Variants in ADARB1 observed in about 807,000 individuals in gnomAD.
The protein encoded by ADARB1 is adenosine deaminase RNA specific B1.
Under a neutral mutation model 52.4 loss-of-function variants are expected in ADARB1, and 10 were observed. That is an observed-to-expected ratio of 0.19 (90% confidence interval 0.12 to 0.32). The LOEUF (loss-of-function observed/expected upper bound fraction) is 0.32, where lower values mean the gene tolerates loss of function less well. ADARB1 is among the 10% of genes least tolerant of loss of function. The pLI, the probability that ADARB1 is intolerant of heterozygous loss-of-function variation, is 1.00. For missense variants in ADARB1, 643 were observed against 922.3 expected, an observed-to-expected ratio of 0.70 and a Z score of 3.92; for synonymous variants, 349 against 371.1, an observed-to-expected ratio of 0.94 and a Z score of 0.68.
At chr21:45,118,808 T>C (rs1365682397) in intron 1 of ADARB1, among the ~76,000 whole-genome samples, 2 of 152,158 alleles carry the variant, frequency 1.3e-5, no homozygotes, top group African/African-American at 4.8e-5. Context: ...AATAAAAGCG[T>C]TCCCTATGGC....
intron 8 of ADARB1, among the ~76,000 whole-genome samples, chr21:45,186,567 A>T (rs576929766): frequency 1.3e-5 from 2 of 152,346 alleles, no homozygotes; most frequent in African/African-American, 4.8e-5. Flanking sequence ...CTGTAAACTG[A>T]TATCTTCATA....
rs2092981342 is a variant in ADARB1 at position 45,222,354 on chromosome 21, A to G, written c.*157A>G. On this transcript the variant is annotated 3_prime_UTR_variant, in exon 11 of 11. Transcript: ENST00000348831. Reference sequence around the variant, plus strand: ...TCCACGGTTGTCCCCAGCATCTCACATCAGACCTGGGGCAGGTGCGCAGTG... The same window carrying G: ...TCCACGGTTGTCCCCAGCATCTCACGTCAGACCTGGGGCAGGTGCGCAGTG... 7.2e-7 allele frequency: 1 copy of G among 1,380,524 alleles called. No individual in the cohort carries two copies. Among genetic ancestry groups the G allele is most frequent in the African/African-American group, 1.5e-5 (1 of 67,328 alleles). 85.5% of individuals were successfully genotyped at this position (1,380,524 alleles called of 1,614,324 possible). A position where few individuals can be genotyped will look rare whatever the true frequency, so the allele number is the denominator to read the frequency against.
rs759591681 is a variant in ADARB1 at position 45,100,150 on chromosome 21, A to G, written c.-220+25357A>G. Among the ~76,000 whole-genome samples the G allele has an allele frequency of 2.0e-5, 3 of 152,190 alleles. No homozygotes were observed. The East Asian group carries it at 5.8e-4, about 29-fold the overall frequency. ...ACTTTTAACTTGTAAAAATTATTCA[A>G]CATATACAGAAATTTAAAAAGCAGC... is the stretch of plus-strand genomic sequence containing the variant. On this transcript the variant is annotated intron_variant, in intron 1 of 10. Coordinates refer to ENST00000348831, the MANE Select transcript of ADARB1 (RefSeq NM_001112.4).
chr21:45,221,963 T>C lies in ADARB1; in HGVS notation c.1927-55T>C, dbSNP rs147589975. On this transcript the variant is annotated intron_variant, in intron 10 of 10. Coordinates refer to ENST00000348831, the MANE Select transcript of ADARB1 (RefSeq NM_001112.4). This position sits in a 1 kb window ranked among gnomAD's most constrained non-coding sequence, Gnocchi z 4.9. The stretch of plus-strand genomic sequence containing the variant: ...CATGTTTTGGTATCTTATTAGGTGT[T>C]GTTTTCATCTGTTACAGCGTCAACA... The C allele has an allele frequency of 4.8e-4, 756 of 1,568,456 alleles. 3 individuals are homozygous for C. The African/African-American group carries it at 8.0e-3, about 17-fold the overall frequency.
chr21:45,079,572 T>C (rs934467094), intron 1 of ADARB1, among the ~76,000 whole-genome samples: 6 of 152,176 alleles, frequency 3.9e-5, no homozygotes, highest in African/African-American at 1.4e-4. Context: ...GGTTGGGTCA[T>C]TGTGCAGCTA....
chr21:45,185,462 A>G (rs1380463122), intron 8 of ADARB1, among the ~76,000 whole-genome samples: 1 of 152,230 alleles, frequency 6.6e-6, no homozygotes, highest in East Asian at 1.9e-4. Flanking sequence ...GGTCACTTTC[A>G]TCATTCAGTT....
chr21:45,098,918 G>T (rs904707716), intron 1 of ADARB1, among the ~76,000 whole-genome samples: 1 of 152,178 alleles, frequency 6.6e-6, no homozygotes, highest in African/African-American at 2.4e-5. Context: ...CCTCAGAATT[G>T]GGGGTCAGGT....
intron 8 of ADARB1, among the ~76,000 whole-genome samples, chr21:45,194,741 G>C (rs1779231705): frequency 6.6e-6 from 1 of 152,116 alleles, no homozygotes; most frequent in African/African-American, 2.4e-5. Flanking sequence ...AAGATTCTTT[G>C]ATGCCTTTTC....
chr21:45,074,958 G>T (rs551347851), intron 1 of ADARB1, among the ~76,000 whole-genome samples, 165 bp downstream of exon 1: 3 of 150,700 alleles, frequency 2.0e-5, no homozygotes, highest in African/African-American at 7.3e-5. Flanking sequence ...CCGCGGCACC[G>T]CCTCGCACCC....
intron 2 of ADARB1, among the ~76,000 whole-genome samples, chr21:45,138,318 C>T (rs1034863905): frequency 1.3e-5 from 2 of 152,194 alleles, no homozygotes; most frequent in Non-Finnish European, 2.9e-5. Flanking sequence ...GGGTGAAGGT[C>T]ACAGCATGAC....
At chr21:45,122,642 C>T (rs930689837) in intron 1 of ADARB1, among the ~76,000 whole-genome samples, 7 of 152,164 alleles carry the variant, frequency 4.6e-5, no homozygotes, top group African/African-American at 1.7e-4. Flanking sequence ...AGGTGGGAGA[C>T]GTGCAGAGCT....
chr21:45,160,308 G>A (rs550960007), intron 2 of ADARB1, among the ~76,000 whole-genome samples: 17 of 152,370 alleles, frequency 1.1e-4, no homozygotes, highest in Admixed American at 1.3e-4. Context: ...GCCGGGAGCC[G>A]CTGCAGTGGG....
At chr21:45,175,343 TGTC>T (rs931334896) in intron 3 of ADARB1, among the ~76,000 whole-genome samples, 70 of 152,332 alleles carry the variant, frequency 4.6e-4, no homozygotes, top group Non-Finnish European at 8.4e-4. Context: ...GATATTAAAT[TGTC>T]ATTTCATTAG....
rs147740026 is a variant in ADARB1, at chr21:45,123,785, G to T, written c.-219-4617G>T. ...CTCGCTGAGTTTTTAATTTTTTGTA[G>T]AGATGGGGTTTCCATGTGTTGCCTA... On this transcript the variant is annotated intron_variant, in intron 1 of 10. Transcript: ENST00000348831. Among the ~76,000 whole-genome samples the T allele has an allele frequency of 4.2e-3, 632 of 152,150 alleles. 4 individuals carry two copies. Among genetic ancestry groups the T allele is most frequent in the African/African-American group, 0.014 (599 of 41,484 alleles).
intron 1 of ADARB1, among the ~76,000 whole-genome samples, chr21:45,077,430 C>T (rs775244844): frequency 7.2e-5 from 11 of 152,152 alleles, no homozygotes; most frequent in Non-Finnish European, 1.0e-4. Flanking sequence ...CTTTGGGAGG[C>T]CGAGGCGGGT....
chr21:45,203,300 G>A (rs2146340440), intron 8 of ADARB1, among the ~76,000 whole-genome samples: 1 of 152,260 alleles, frequency 6.6e-6, no homozygotes, highest in African/African-American at 2.4e-5. Context: ...CCTCCTTTGG[G>A]GCTAAGCTTC....
At chr21:45,118,671 A>G (rs2087966555) in intron 1 of ADARB1, 2 of 152,116 alleles carry the variant, frequency 1.3e-5, no homozygotes, top group South Asian at 2.1e-4. Context: ...TCATGTCCTG[A>G]CGGTTTGATT....
intron 2 of ADARB1, among the ~76,000 whole-genome samples, chr21:45,156,731 C>T (rs1311392593): frequency 2.0e-5 from 3 of 152,186 alleles, no homozygotes; most frequent in African/African-American, 7.2e-5. Flanking sequence ...ACACCCTTCT[C>T]TGCATGCTGG....
rs745338791 is a variant in ADARB1 at position 45,176,282 on chromosome 21, C to T, written c.581C>T (p.Ser194Phe). ...DKAEPPFYVG[S>F]NGDDSFSSSG... is the part of the protein sequence containing the mutation. ...GCGGAGCCTCCCTTTTACGTGGGCTCCAATGGGGATGACTCCTTCAGTTCC... is the reference window on the plus strand; with the variant it reads ...GCGGAGCCTCCCTTTTACGTGGGCTTCAATGGGGATGACTCCTTCAGTTCC... Residue 194 changes from serine (S) to phenylalanine (F), a missense_variant, in exon 4 of 11, where the codon TCC becomes TTC. Transcript: ENST00000348831. This position sits in a 1 kb window ranked among gnomAD's most constrained non-coding sequence, Gnocchi z 5.8. 1 of 1,614,172 alleles carries T rather than the reference C, an allele frequency of 6.2e-7. No individual in the cohort carries two copies. The highest frequency in any genetic ancestry group is 2.2e-5 in the East Asian group (1 of 44,876).
Sources: allele counts gnomAD v4.1 joint callset (sites outside exome capture counted in the v4.1 genomes callset), GRCh38; gene constraint gnomAD v4.1.1; non-coding constraint Gnocchi (gnomAD v3.1); transcripts MANE v1.5; gene names NCBI Gene and HGNC (gene_info 2026-07-23, HGNC 2026-07-21).